The following BAZ1B variants were observed in gnomAD, a reference collection of about 807,000 sequenced individuals.
The protein encoded by BAZ1B is tyrosine-protein kinase BAZ1B.
Under a neutral mutation model 153.8 loss-of-function variants are expected in BAZ1B, and 22 were observed. The ratio of observed to expected loss-of-function variants is 0.14; its 90% CI spans 0.10 to 0.20. The LOEUF is 0.20. Among genes scored for constraint, BAZ1B ranks in the 10% least tolerant of loss-of-function variants. The probability of loss-of-function intolerance (pLI) is 1.00; values close to 1 mark genes in which losing one functional copy is unlikely to be tolerated. For missense variants in BAZ1B, 1,325 were observed against 1,799.3 expected (o/e 0.74, Z 4.77); for synonymous variants, 676 against 633.4 (o/e 1.07, Z -1.01).
At chr7:73,463,996 G>T in intron 11 of BAZ1B, 2 of 507,568 alleles carry the variant, frequency 3.9e-6, no homozygotes, top group Non-Finnish European at 5.1e-6. Flanking sequence ...GTGAGCCACC[G>T]CGGCCGGCCC....
At chr7:73,443,305 G>A (rs1333921679) in intron 17 of BAZ1B, among the ~76,000 whole-genome samples, 6 of 152,146 alleles carry the variant, frequency 3.9e-5, no homozygotes, top group African/African-American at 1.4e-4. Context: ...TCCCTTCCTG[G>A]GCTCTTCCAC....
At chr7:73,492,738 C>A in intron 5 of BAZ1B, 62 bp downstream of exon 5, 1 of 1,459,946 alleles carries the variant, frequency 6.8e-7, no homozygotes, top group Non-Finnish European at 9.2e-7. Flanking sequence ...CCAACAAAAG[C>A]AACCCTATGA....
intron 13 of BAZ1B, among the ~76,000 whole-genome samples, chr7:73,455,230 T>A (rs1196904602): frequency 1.3e-5 from 2 of 151,774 alleles, no homozygotes; most frequent in Non-Finnish European, 2.9e-5. Flanking sequence ...CCTCCAAACT[T>A]ACTAGCGACT....
intron 12 of BAZ1B, chr7:73,462,695 T>C: frequency 1.9e-6 from 1 of 530,038 alleles, no homozygotes; most frequent in South Asian, 2.1e-5. Flanking sequence ...GCTCTTTTCA[T>C]ACCAAGGTTG....
At chr7:73,458,784 T>C (rs1227615100) in intron 13 of BAZ1B, among the ~76,000 whole-genome samples, 1 of 151,942 alleles carries the variant, frequency 6.6e-6, no homozygotes, top group Non-Finnish European at 1.5e-5. Context: ...ACAATCAAAC[T>C]TTGAGAGGCC....
intron 1 of BAZ1B, 85 bp downstream of exon 1, chr7:73,521,742 G>A (rs1554580245): frequency 2.4e-5 from 28 of 1,178,946 alleles, no homozygotes; most frequent in Non-Finnish European, 2.9e-5. Context: ...GGCCGGGGAT[G>A]CGCGGCTGAC....
chr7:73,521,483 C>T (rs1030786905), intron 1 of BAZ1B, among the ~76,000 whole-genome samples: 3 of 152,204 alleles, frequency 2.0e-5, no homozygotes, highest in South Asian at 2.1e-4. Context: ...CCTCCCCACG[C>T]CTCCTCCTCC....
intron 11 of BAZ1B, among the ~76,000 whole-genome samples, chr7:73,463,306 G>A (rs1275577686): frequency 7.3e-6 from 1 of 137,166 alleles, no homozygotes; most frequent in African/African-American, 2.8e-5. Flanking sequence ...GTGCAAAGGT[G>A]CCATCACAGC....
intron 1 of BAZ1B, among the ~76,000 whole-genome samples, chr7:73,516,877 T>C (rs1221973502): frequency 6.7e-6 from 1 of 148,504 alleles, no homozygotes; most frequent in Non-Finnish European, 1.5e-5. Flanking sequence ...ACTGTTCTGG[T>C]AATTATATTA....
chr7:73,450,883 C>T lies in BAZ1B; in HGVS notation c.3544G>A (p.Ala1182Thr), dbSNP rs782769772. The change falls in exon 14 of 20, where the codon GCA becomes ACA. Residue 1182 changes from alanine to threonine, a missense_variant. Transcript: ENST00000339594. The surrounding 1 kb of genome is among the most constrained non-coding windows in gnomAD (Gnocchi z 4.1). ...CAAACTTTGCACCTAGCATTTTCTG[C>T]GGACATATCCCACTTGATACAGGCA... ...LDACIKWDMS[A>T]ENARCKVCRK... 14 of 1,613,942 alleles carry T rather than the reference C, an allele frequency of 8.7e-6. No homozygotes were observed. The East Asian group carries it at 1.6e-4, about 18-fold the overall frequency.
intron 3 of BAZ1B, among the ~76,000 whole-genome samples, chr7:73,501,406 TTC>T (rs543571118): frequency 3.9e-5 from 6 of 152,220 alleles, no homozygotes; most frequent in Non-Finnish European, 5.9e-5. Context: ...ACACTGATTT[TTC>T]TCTGTTCTTC....
chr7:73,484,308 T>TAGATAGAC lies in BAZ1B; in HGVS notation c.891+4878_891+4885dup, dbSNP rs200635720. On this transcript the variant is annotated intron_variant, in intron 6 of 19. Transcript: ENST00000339594. Reference sequence around the variant, plus strand: ...GGAGGGAGGAAGATAGATAGATAGATAGATAGACAGACAGACAGACAGACA... The same window carrying TAGATAGAC: ...GGAGGGAGGAAGATAGATAGATAGATAGATAGACAGATAGACAGACAGACAGACAGACA... Among the ~76,000 whole-genome samples the TAGATAGAC allele has an allele frequency of 4.0e-5, 6 of 148,760 alleles. No homozygotes were observed. The East Asian group carries it at 1.2e-3, about 29-fold the overall frequency.
intron 4 of BAZ1B, among the ~76,000 whole-genome samples, chr7:73,494,161 C>T (rs1393314257): frequency 1.3e-5 from 2 of 151,916 alleles, no homozygotes; most frequent in African/African-American, 4.8e-5. Context: ...GCAGAAGGAT[C>T]ACTTGAGCTC....
intron 17 of BAZ1B, among the ~76,000 whole-genome samples, chr7:73,443,077 G>A (rs535557853): frequency 3.3e-5 from 5 of 152,298 alleles, no homozygotes; most frequent in East Asian, 1.9e-4. Flanking sequence ...AGCAGGCAGC[G>A]GGGGCCGCCT....
At chr7:73,471,050 A>G (rs1788786386) in intron 7 of BAZ1B, among the ~76,000 whole-genome samples, 1 of 152,144 alleles carries the variant, frequency 6.6e-6, no homozygotes, top group Non-Finnish European at 1.5e-5. Context: ...ATCACTTCTT[A>G]ATATATTTTA....
At chr7:73,509,722 G>C (rs1246409376) in intron 2 of BAZ1B, among the ~76,000 whole-genome samples, 1 of 151,678 alleles carries the variant, frequency 6.6e-6, no homozygotes, top group Non-Finnish European at 1.5e-5. Context: ...AAGGAAACCA[G>C]GAAGCGTTAA....
In BAZ1B at chr7:73,477,157, G is replaced by T; in HGVS notation, c.2304C>A (p.Thr768=). 6.2e-7 allele frequency: 1 copy of T among 1,614,164 alleles called. No individual in the cohort carries two copies. Residue 768 remains threonine, a synonymous_variant, in exon 7 of 20, where the codon ACC becomes ACA. Transcript: ENST00000339594. This position sits in a 1 kb window ranked among gnomAD's most constrained non-coding sequence, Gnocchi z 5.6. ...ACAACTCTGCAGACATCTGCTGTCT[G>T]GTCTCCATGTGGTCTTGCACTGAGT... is the stretch of plus-strand genomic sequence containing the variant. ...MTYSVQDHME[T]RQQMSAELWK...
intron 15 of BAZ1B, 76 bp from the exon 16 acceptor site, chr7:73,447,455 G>A: frequency 6.7e-7 from 1 of 1,502,428 alleles, no homozygotes; most frequent in Non-Finnish European, 8.9e-7. Flanking sequence ...AATCCCACAG[G>A]GATCAGGAAA....
chr7:73,460,174 G>T (rs540780910), intron 12 of BAZ1B, among the ~76,000 whole-genome samples: 1 of 139,618 alleles, frequency 7.2e-6, no homozygotes, highest in African/African-American at 2.7e-5. Context: ...GGGTGACACA[G>T]CGAGACTCCG....
Sources: gnomAD v4.1 joint callset for allele counts (sites outside exome capture counted in the v4.1 genomes callset) on GRCh38, gnomAD v4.1.1 for gene constraint, Gnocchi (gnomAD v3.1) non-coding constraint, MANE v1.5 for transcripts, NCBI Gene and HGNC (gene_info 2026-07-23, HGNC 2026-07-21) for gene names.